Variants in PCDH9 observed in about 807,000 individuals in gnomAD.
PCDH9 encodes protocadherin 9.
In PCDH9, 24 loss-of-function variants were observed where a neutral mutation model predicts 70.6. The observed-to-expected ratio is 0.34, with a 90% CI of 0.25 to 0.48. PCDH9 has a LOEUF of 0.48. Among genes scored for constraint, PCDH9 ranks in the 20% least tolerant of loss-of-function variants. The pLI is 0.99. For missense variants in PCDH9, 1,281 were observed against 1,503.6 expected (o/e 0.85, Z 2.45); for synonymous variants, 562 against 558.5 (o/e 1.01, Z -0.09).
At chr13:66,523,162 C>T (rs1960072465) in intron 4 of PCDH9, among the ~76,000 whole-genome samples, 1 of 151,974 alleles carries the variant, frequency 6.6e-6, no homozygotes, top group African/African-American at 2.4e-5. Context: ...CATTTGCTCT[C>T]CCTGAATCAT....
intron 4 of PCDH9, among the ~76,000 whole-genome samples, chr13:66,510,262 T>A (rs543663680): frequency 6.6e-6 from 1 of 152,168 alleles, no homozygotes; most frequent in Non-Finnish European, 1.5e-5. Flanking sequence ...ACTGAATGAA[T>A]TATCTACTGC....
intron 2 of PCDH9, among the ~76,000 whole-genome samples, chr13:66,939,956 A>G (rs1376661564): frequency 1.3e-5 from 2 of 152,120 alleles, no homozygotes; most frequent in African/African-American, 4.8e-5. Flanking sequence ...ACAATGTTTT[A>G]TATATTCTGT....
intron 3 of PCDH9, among the ~76,000 whole-genome samples, chr13:66,730,892 T>TTTTTTG (rs1183811386): frequency 0.012 from 293 of 23,940 alleles, 11 homozygotes; most frequent in Middle Eastern, 0.053. Context: ...TTTTTGTTTG[T>TTTTTTG]TTCTTTTTTT....
Position 67,006,089 on chromosome 13 carries a change from T to C in PCDH9, c.3037-102484A>G, listed in dbSNP as rs1315291290. Reference sequence around the variant, plus strand: ...AATATACAAAAAAATTAGTCGGGCCTGGCGGCAGGCACCTGTAGTCCCAGC... The same window carrying C: ...AATATACAAAAAAATTAGTCGGGCCCGGCGGCAGGCACCTGTAGTCCCAGC... On this transcript the variant is annotated intron_variant, in intron 2 of 4. Coordinates refer to ENST00000377865, the MANE Select transcript of PCDH9 (RefSeq NM_203487.3). 5.9e-5 allele frequency among the ~76,000 whole-genome samples: 9 copies of C among 152,226 alleles called. No homozygotes were observed. The East Asian group carries it at 1.7e-3, about 29-fold the overall frequency.
rs2085894835 is a variant in PCDH9, at chr13:67,077,195, T to C, written c.3036+148210A>G. 2.0e-5 allele frequency among the ~76,000 whole-genome samples: 3 copies of C among 152,130 alleles called. No homozygotes were observed. In the South Asian group the frequency reaches 6.2e-4, roughly 31 times the overall value. On this transcript the variant is annotated intron_variant, in intron 2 of 4. Transcript: ENST00000377865. ...CAAAGCTCCCACTCCCTGATCAACA[T>C]TGCCCATTAATCTCTGGAATTGTTT...
intron 4 of PCDH9, among the ~76,000 whole-genome samples, chr13:66,505,044 T>C (rs868244707): frequency 2.0e-5 from 3 of 152,324 alleles, no homozygotes; most frequent in Non-Finnish European, 2.9e-5. Flanking sequence ...TAATTATGTA[T>C]AATTTTGAGA....
intron 4 of PCDH9, among the ~76,000 whole-genome samples, chr13:66,318,391 A>G (rs1955692440): frequency 6.6e-6 from 1 of 152,186 alleles, no homozygotes; most frequent in Non-Finnish European, 1.5e-5. Context: ...GCAGTCCCAA[A>G]TATTCAATAG....
chr13:66,659,602 G>T (rs1044489226), intron 3 of PCDH9, among the ~76,000 whole-genome samples: 1 of 142,202 alleles, frequency 7.0e-6, no homozygotes, highest in Non-Finnish European at 1.5e-5. Context: ...TTAATCTTTC[G>T]CAGGTTTTAA....
At chr13:66,733,041 A>G (rs1328590582) in intron 3 of PCDH9, among the ~76,000 whole-genome samples, 1 of 152,070 alleles carries the variant, frequency 6.6e-6, no homozygotes, top group Admixed American at 6.6e-5. Context: ...ACGTATTTTA[A>G]CAGCAACAAG....
intron 3 of PCDH9, among the ~76,000 whole-genome samples, chr13:66,804,364 A>T (rs1036663933): frequency 2.6e-5 from 4 of 152,204 alleles, no homozygotes; most frequent in Non-Finnish European, 4.4e-5. Context: ...GTCATTTGGC[A>T]TAAACAATGA....
chr13:66,766,473 C>A (rs780834786), intron 3 of PCDH9, among the ~76,000 whole-genome samples: 11 of 151,962 alleles, frequency 7.2e-5, no homozygotes. Context: ...AAAACACTAT[C>A]CTCACAAGTA....
chr13:67,136,608 T>C (rs1277985171), intron 2 of PCDH9, among the ~76,000 whole-genome samples: 1 of 152,180 alleles, frequency 6.6e-6, no homozygotes, highest in Non-Finnish European at 1.5e-5. Flanking sequence ...CTAGCTAAAC[T>C]CTATATAAAT....
chr13:66,458,630 A>T (rs1194011844), intron 4 of PCDH9, among the ~76,000 whole-genome samples: 1 of 152,062 alleles, frequency 6.6e-6, no homozygotes, highest in African/African-American at 2.4e-5. Flanking sequence ...AAATCAGTTT[A>T]CATACATCAC....
chr13:66,419,198 A>G (rs1408481939), intron 4 of PCDH9, among the ~76,000 whole-genome samples: 2 of 135,280 alleles, frequency 1.5e-5, no homozygotes, highest in Non-Finnish European at 3.2e-5. Flanking sequence ...AACTCATTTT[A>G]TGAGGCCAGC....
chr13:67,029,403 C>G (rs1347026688), intron 2 of PCDH9, among the ~76,000 whole-genome samples: 2 of 152,166 alleles, frequency 1.3e-5, no homozygotes, highest in African/African-American at 4.8e-5. Flanking sequence ...TCTATATACA[C>G]TCTTATGCAG....
rs1373668379 is a variant in PCDH9 at position 66,601,292 on chromosome 13, C to T, written c.3340+29918G>A. On this transcript the variant is annotated intron_variant, in intron 4 of 4. Transcript: ENST00000377865. ...AAATAATGTTTAGTTTTTTAAAATG[C>T]CTTCTATAAATCTTCTTAAAATGTA... 2.7e-5 allele frequency among the ~76,000 whole-genome samples: 4 copies of T among 145,490 alleles called. No individual in the cohort carries two copies. The East Asian group carries it at 5.8e-4, about 21-fold the overall frequency.
intron 3 of PCDH9, among the ~76,000 whole-genome samples, chr13:66,682,515 C>G (rs2078342292): frequency 6.6e-6 from 1 of 151,926 alleles, no homozygotes; most frequent in Admixed American, 6.6e-5. Context: ...TGTCCTGTTT[C>G]CAGCTCAGTT....
chr13:66,930,437 T>G (rs2082788198), intron 2 of PCDH9, among the ~76,000 whole-genome samples: 1 of 152,190 alleles, frequency 6.6e-6, no homozygotes, highest in Non-Finnish European at 1.5e-5. Flanking sequence ...TGCTTGGTTT[T>G]CCATTTCAGA....
chr13:66,597,267 A>T (rs1279948989), intron 4 of PCDH9, among the ~76,000 whole-genome samples: 1 of 151,466 alleles, frequency 6.6e-6, no homozygotes, highest in African/African-American at 2.4e-5. Context: ...AAAAAATCCA[A>T]TAATTAATAA....
Sources: allele counts gnomAD v4.1 joint callset (sites outside exome capture counted in the v4.1 genomes callset), GRCh38; gene constraint gnomAD v4.1.1; transcripts MANE v1.5; gene names NCBI Gene and HGNC (gene_info 2026-07-23, HGNC 2026-07-21).